Variants in CD180 observed in about 807,000 individuals in gnomAD.
The protein encoded by CD180 is CD180 antigen.
CD180 carries 11 observed loss-of-function variants against 10.7 expected under a neutral mutation model. That is an observed-to-expected ratio of 1.03 (90% CI 0.65 to 1.70). CD180 has a LOEUF of 1.70. CD180 is among the 40% of genes most tolerant of loss of function. The probability of loss-of-function intolerance (pLI) is 0.00; values close to 1 mark genes in which losing one functional copy is unlikely to be tolerated. For missense variants in CD180, 729 were observed against 775.2 expected (o/e 0.94, Z 0.71); for synonymous variants, 286 against 294.6 (o/e 0.97, Z 0.30).
chr5:67,192,366 G>A (rs1208800548), intron 1 of CD180, among the ~76,000 whole-genome samples: 1 of 152,182 alleles, frequency 6.6e-6, no homozygotes, highest in East Asian at 1.9e-4. Context: ...GAGCCTGGGC[G>A]ACAGAGTGAG....
chr5:67,183,219 G>C lies in CD180; in HGVS notation c.1624C>G (p.His542Asp). 1 of 1,613,742 alleles carries C rather than the reference G, an allele frequency of 6.2e-7. No homozygotes were observed. The highest frequency in any genetic ancestry group is 8.5e-7 in the Non-Finnish European group (1 of 1,179,772). ...LTCDSIDSLSHLKGIYLNLAA... is the reference protein window; with the variant it reads ...LTCDSIDSLSDLKGIYLNLAA... ...AGATTGAGGTAGATTCCCTTAAGAT[G>C]GCTAAGAGAATCAATGCTGTCGCAT... is the stretch of plus-strand genomic sequence containing the variant. The change falls in exon 3 of 3, where the codon CAT (histidine) becomes GAT (aspartate). Residue 542 changes from histidine to aspartate, a missense_variant. By Grantham distance (81) the His-to-Asp change is moderately conservative. Transcript: ENST00000256447.
At chr5:67,184,795 C>T (rs1742150466) in intron 2 of CD180, among the ~76,000 whole-genome samples, 1 of 152,012 alleles carries the variant, frequency 6.6e-6, no homozygotes, top group Non-Finnish European at 1.5e-5. Flanking sequence ...AGGTATCTCA[C>T]CCCTTAGATT....
At chr5:67,189,858 T>C (rs1742267788) in intron 1 of CD180, among the ~76,000 whole-genome samples, 1 of 152,188 alleles carries the variant, frequency 6.6e-6, no homozygotes, top group Admixed American at 6.5e-5. Flanking sequence ...TATACACCAA[T>C]GTTTATATAT....
Position 67,181,063 on chromosome 5 carries a change from GGAGAGA to G in CD180, c.*1788_*1793del, listed in dbSNP as rs375008029. On this transcript the variant is annotated 3_prime_UTR_variant, in exon 3 of 3. Coordinates refer to ENST00000256447, the MANE Select transcript of CD180 (RefSeq NM_005582.3). ...CACACATACACACACACACACATATGGAGAGAGAGAGAGAGAGTCCTTACTATGTCC... is the reference window on the plus strand; with the variant it reads ...CACACATACACACACACACACATATGGAGAGAGAGAGTCCTTACTATGTCC... The G allele has an allele frequency of 3.4e-5, 5 of 148,260 alleles. No homozygotes were observed. The highest frequency in any genetic ancestry group is 7.5e-5 in the African/African-American group (3 of 40,204). 9.2% of individuals were successfully genotyped at this position (148,260 alleles called of 1,614,324 possible). A position where few individuals can be genotyped will look rare whatever the true frequency, so the allele number is the denominator to read the frequency against.
Position 67,196,625 on chromosome 5 carries a change from C to T in CD180, c.17G>A (p.Ser6Asn). 6.2e-7 allele frequency: 1 copy of T among 1,613,980 alleles called. No individual in the cohort carries two copies. The highest frequency in any genetic ancestry group is 1.1e-5 in the South Asian group (1 of 91,070). Residue 6 changes from serine (S) to asparagine (N), a missense_variant, in exon 1 of 3, where the codon AGC becomes AAC. Transcript: ENST00000256447. MAFDV[S>N]CFFWVVLFSA... ...AAACAGCACCACCCAAAAGAAGCAG[C>T]TGACGTCAAACGCCATCACAGGCTA...
chr5:67,183,192 C>T lies in CD180; in HGVS notation c.1651G>A (p.Ala551Thr), dbSNP rs867380226. The T allele has an allele frequency of 8.7e-6, 14 of 1,611,220 alleles. No individual in the cohort carries two copies. The African/African-American group carries it at 1.5e-4, about 17-fold the overall frequency. ...GAGATGATGTTAATGCTGTTGGCAG[C>T]CAGATTGAGGTAGATTCCCTTAAGA... ...SHLKGIYLNL[A>T]ANSINIISPR... Residue 551 changes from alanine (A) to threonine (T), a missense_variant, in exon 3 of 3, where the codon GCT becomes ACT. Ala to Thr is a moderately conservative substitution (Grantham distance 58). Coordinates refer to ENST00000256447, the MANE Select transcript of CD180 (RefSeq NM_005582.3).
rs894896372 is a variant in CD180, at chr5:67,180,534, G to C, written c.*2323C>G. On this transcript the variant is annotated 3_prime_UTR_variant, in exon 3 of 3. Transcript: ENST00000256447. The stretch of plus-strand genomic sequence containing the variant: ...AGTCCAACAGAATCTCAGTATCTGG[G>C]GGTGAGGCCTGGGAATCCATTTTGT... 1.3e-5 allele frequency: 2 copies of C among 152,106 alleles called. No homozygotes were observed. The highest frequency in any genetic ancestry group is 4.8e-5 in the African/African-American group (2 of 41,400). The allele number at this position is 152,106 out of a possible 1,614,324, so 9.4% of individuals were successfully genotyped here. A position where few individuals can be genotyped will look rare whatever the true frequency, so the allele number is the denominator to read the frequency against.
chr5:67,183,801 T>C lies in CD180; in HGVS notation c.1042A>G (p.Thr348Ala). The C allele has an allele frequency of 6.2e-7, 1 of 1,614,084 alleles. No homozygotes were observed. The highest frequency in any genetic ancestry group is 1.1e-5 in the South Asian group (1 of 91,076). The change falls in exon 3 of 3, where the codon ACA becomes GCA. Residue 348 changes from threonine to alanine, a missense_variant. By Grantham distance (58) the Thr-to-Ala change is moderately conservative. Transcript: ENST00000256447. Reference sequence around the variant, plus strand: ...ACGTTGCCTCTGATGTAGAGGTGTGTAAGGGAGGGGAAATTGGCAGCACTG... The same window carrying C: ...ACGTTGCCTCTGATGTAGAGGTGTGCAAGGGAGGGGAAATTGGCAGCACTG... Reference protein sequence around the residue: ...QISAANFPSLTHLYIRGNVKK... With the variant: ...QISAANFPSLAHLYIRGNVKK...
chr5:67,192,865 G>C (rs1742335519), intron 1 of CD180, among the ~76,000 whole-genome samples: 1 of 152,164 alleles, frequency 6.6e-6, no homozygotes, highest in African/African-American at 2.4e-5. Flanking sequence ...CATGTACTCT[G>C]AGTTTCTGAA....
intron 1 of CD180, among the ~76,000 whole-genome samples, chr5:67,192,982 A>G (rs1012931473): frequency 6.6e-6 from 1 of 152,200 alleles, no homozygotes; most frequent in Non-Finnish European, 1.5e-5. Flanking sequence ...AACCGATCAG[A>G]ACTAAGCAAG....
At chr5:67,186,388 T>C (rs991493124) in intron 1 of CD180, 1 of 156,192 alleles carries the variant, frequency 6.4e-6, no homozygotes, top group African/African-American at 2.4e-5. Flanking sequence ...ATGTAGTGTA[T>C]ATAGTATACA....
Position 67,181,542 on chromosome 5 carries a change from T to A in CD180, c.*1315A>T, listed in dbSNP as rs1207855440. The A allele has an allele frequency of 6.6e-6, 1 of 152,232 alleles. No homozygotes were observed. Among genetic ancestry groups the A allele is most frequent in the Non-Finnish European group, 1.5e-5 (1 of 68,034 alleles). The allele number at this position is 152,232 out of a possible 1,614,324, so 9.4% of individuals were successfully genotyped here. A position where few individuals can be genotyped will look rare whatever the true frequency, so the allele number is the denominator to read the frequency against. The stretch of plus-strand genomic sequence containing the variant: ...GCCTTCAACTTAAGGACTAATATAT[T>A]CTGATTGGTTGGATCCATTTTTATT... On this transcript the variant is annotated 3_prime_UTR_variant, in exon 3 of 3. Transcript: ENST00000256447.
In CD180 at chr5:67,183,316, G is replaced by T. The variant is rs367671116; in HGVS notation, c.1527C>A (p.Leu509=). ...TGTGGAATGCTTGCTGGTCTATAGAGAGGAGACCACAAGAGGACAAAATCA... is the reference window on the plus strand; with the variant it reads ...TGTGGAATGCTTGCTGGTCTATAGATAGGAGACCACAAGAGGACAAAATCA... The part of the protein sequence containing the change: ...EVLILSSCGL[L]SIDQQAFHSL... Residue 509 remains leucine (L), a synonymous_variant, in exon 3 of 3, where the codon CTC becomes CTA. Coordinates refer to ENST00000256447, the MANE Select transcript of CD180 (RefSeq NM_005582.3). 6.2e-7 allele frequency: 1 copy of T among 1,614,154 alleles called. No individual in the cohort carries two copies. The highest frequency in any genetic ancestry group is 2.2e-5 in the East Asian group (1 of 44,884).
intron 1 of CD180, among the ~76,000 whole-genome samples, chr5:67,195,753 T>A (rs1008444292): frequency 2.0e-5 from 3 of 152,234 alleles, no homozygotes; most frequent in African/African-American, 7.2e-5. Flanking sequence ...ATCTGGCTAT[T>A]CCTGGCTCTT....
chr5:67,195,495 G>A (rs1026265254), intron 1 of CD180, among the ~76,000 whole-genome samples: 76 of 152,236 alleles, frequency 5.0e-4, no homozygotes, highest in African/African-American at 1.8e-3. Flanking sequence ...GGGATTATAG[G>A]CGTGAGCCAC....
Position 67,181,050 on chromosome 5 carries a change from C to A in CD180, c.*1807G>T, listed in dbSNP as rs1458809674. ...ACACACACATACACACACATACACA[C>A]ACACACACATATGGAGAGAGAGAGA... On this transcript the variant is annotated 3_prime_UTR_variant, in exon 3 of 3. Coordinates refer to ENST00000256447, the MANE Select transcript of CD180 (RefSeq NM_005582.3). The A allele has an allele frequency of 6.6e-6, 1 of 151,378 alleles. No individual in the cohort carries two copies. The highest frequency in any genetic ancestry group is 1.5e-5 in the Non-Finnish European group (1 of 67,926). The allele number at this position is 151,378 out of a possible 1,614,324, so 9.4% of individuals were successfully genotyped here. A position where few individuals can be genotyped will look rare whatever the true frequency, so the allele number is the denominator to read the frequency against.
chr5:67,186,761 A>C (rs1425193923), intron 1 of CD180, among the ~76,000 whole-genome samples: 1 of 152,100 alleles, frequency 6.6e-6, no homozygotes, highest in Non-Finnish European at 1.5e-5. Flanking sequence ...CTTTAAACTC[A>C]TCAAGATTTT....
rs1023519070 is a variant in CD180 at position 67,181,661 on chromosome 5, C to T, written c.*1196G>A. On this transcript the variant is annotated 3_prime_UTR_variant, in exon 3 of 3. Transcript: ENST00000256447. ...AACAGAACAATGCACCACTTGAGTC[C>T]AGGAGCTCCCGCCAAGCTTGTCTGG... 1.4e-4 allele frequency: 21 copies of T among 152,346 alleles called. No individual in the cohort carries two copies. Among genetic ancestry groups the T allele is most frequent in the African/African-American group, 3.6e-4 (15 of 41,564 alleles). 9.4% of individuals were successfully genotyped at this position (152,346 alleles called of 1,614,324 possible).
intron 2 of CD180, among the ~76,000 whole-genome samples, chr5:67,185,397 T>C (rs570590019): frequency 2.0e-5 from 3 of 152,140 alleles, no homozygotes; most frequent in East Asian, 3.9e-4. Flanking sequence ...TCTCAAACAC[T>C]GGCTCAGCAT....
Sources: allele counts gnomAD v4.1 joint callset (sites outside exome capture counted in the v4.1 genomes callset), GRCh38; gene constraint gnomAD v4.1.1; transcripts MANE v1.5; gene names NCBI Gene and HGNC (gene_info 2026-07-23, HGNC 2026-07-21).